CCNF: variants seen among roughly 807,000 people sequenced by gnomAD.
CCNF encodes cyclin-F.
A neutral mutation model predicts 85.4 loss-of-function variants in CCNF; 30 were observed. The observed-to-expected ratio is 0.35, with a 90% CI of 0.26 to 0.48. The LOEUF is 0.48. CCNF is among the 20% of genes least tolerant of loss of function. The pLI, the probability that CCNF is intolerant of heterozygous loss-of-function variation, is 0.99. For synonymous variants in CCNF, 439 were observed against 425.1 expected, an observed-to-expected ratio of 1.03 and a Z score of -0.40; for missense variants, 919 against 1,010.4, an observed-to-expected ratio of 0.91 and a Z score of 1.23.
intron 2 of CCNF, among the ~76,000 whole-genome samples, chr16:2,432,550 T>C (rs1002897209): frequency 6.6e-6 from 1 of 152,202 alleles, no homozygotes; most frequent in African/African-American, 2.4e-5. Flanking sequence ...TGTTGTTCTT[T>C]GCCCTGAGTC....
chr16:2,429,692 G>A (rs1207403051), intron 1 of CCNF, among the ~76,000 whole-genome samples, 195 bp downstream of exon 1: 1 of 152,114 alleles, frequency 6.6e-6, no homozygotes, highest in Non-Finnish European at 1.5e-5. Flanking sequence ...AATGCCCGGC[G>A]GGCGCCCGAG....
At chr16:2,435,048 G>A (rs370340261) in intron 3 of CCNF, among the ~76,000 whole-genome samples, 1 of 151,706 alleles carries the variant, frequency 6.6e-6, no homozygotes, top group Non-Finnish European at 1.5e-5. Flanking sequence ...AGATCAGATC[G>A]AGACCATCCT....
At chr16:2,445,664 C>T in intron 10 of CCNF, 42 bp downstream of exon 10, 1 of 1,588,124 alleles carries the variant, frequency 6.3e-7, no homozygotes, top group Non-Finnish European at 8.6e-7. Flanking sequence ...ACGTGCTGGC[C>T]TTTCCCGGGT....
intron 10 of CCNF, 104 bp downstream of exon 10, chr16:2,445,726 G>GGTT: frequency 2.4e-6 from 2 of 835,020 alleles, no homozygotes; most frequent in South Asian, 3.8e-5. Flanking sequence ...TTTGTTTTGT[G>GGTT]TTGTTTTTTT....
chr16:2,430,481 G>C (rs1167703435), intron 1 of CCNF, among the ~76,000 whole-genome samples: 1 of 152,074 alleles, frequency 6.6e-6, no homozygotes, highest in African/African-American at 2.4e-5. Context: ...GATTGCATCT[G>C]TACACAAACC....
rs954361846 is a variant in CCNF, at chr16:2,432,653, T to A, written c.172-308T>A. On this transcript the variant is annotated intron_variant, in intron 2 of 16. Coordinates refer to ENST00000397066, the MANE Select transcript of CCNF (RefSeq NM_001761.3). The stretch of plus-strand genomic sequence containing the variant: ...CCTGCCTGCCCCCTTTTAGAGTGTT[T>A]CCCCTGTCTTTGGGGGTGATACCTT... Among the ~76,000 whole-genome samples the A allele has an allele frequency of 2.6e-5, 4 of 152,290 alleles. No individual in the cohort carries two copies. The East Asian group carries it at 7.7e-4, about 29-fold the overall frequency.
rs1306263142 is a variant in CCNF, at chr16:2,451,360, T to C, written c.1487+1445T>C. ...GACCAGTGGGGCTGGGGGCCATGAG[T>C]GGAGTCATGGCAGTGAGGGGTGAGG... On this transcript the variant is annotated intron_variant, in intron 13 of 16. Coordinates refer to ENST00000397066, the MANE Select transcript of CCNF (RefSeq NM_001761.3). This position sits in a 1 kb window ranked among gnomAD's most constrained non-coding sequence, Gnocchi z 4.3. Among the ~76,000 whole-genome samples the C allele has an allele frequency of 6.6e-6, 1 of 151,660 alleles. No homozygotes were observed. Among genetic ancestry groups the C allele is most frequent in the East Asian group, 1.9e-4 (1 of 5,146 alleles).
chr16:2,453,557 G>A lies in CCNF; in HGVS notation c.1715+20G>A. ...CAAACGGTTAGTTACCCTGCGTTCT[G>A]GCTGCGCCATACAATGCTGGCATCC... On this transcript the variant is annotated intron_variant, in intron 15 of 16. Coordinates refer to ENST00000397066, the MANE Select transcript of CCNF (RefSeq NM_001761.3). This position sits in a 1 kb window ranked among gnomAD's most constrained non-coding sequence, Gnocchi z 5.6. 1 of 1,613,644 alleles carries A rather than the reference G, an allele frequency of 6.2e-7. No homozygotes were observed. The highest frequency in any genetic ancestry group is 1.1e-5 in the South Asian group (1 of 91,084).
Position 2,448,998 on chromosome 16 carries a change from T to G in CCNF, c.1218+20T>G. On this transcript the variant is annotated intron_variant, in intron 11 of 16. Transcript: ENST00000397066. ...ATTCGAGTAAGCAGCGGTTCCATTT[T>G]CCTTATTAATCTTCGTTGTCGCTGT... The G allele has an allele frequency of 6.2e-7, 1 of 1,613,272 alleles. No individual in the cohort carries two copies. The highest frequency in any genetic ancestry group is 8.5e-7 in the Non-Finnish European group (1 of 1,179,506).
At chr16:2,445,724 G>A in intron 10 of CCNF, 102 bp downstream of exon 10, 1 of 782,946 alleles carries the variant, frequency 1.3e-6, no homozygotes, top group Non-Finnish European at 1.7e-6. Context: ...GTTTTGTTTT[G>A]TGTTGTTTTT....
intron 3 of CCNF, among the ~76,000 whole-genome samples, chr16:2,434,941 C>T (rs1160005646): frequency 6.6e-6 from 1 of 152,094 alleles, no homozygotes; most frequent in East Asian, 1.9e-4. Flanking sequence ...ATGGATAATT[C>T]GTATTTGATT....
At chr16:2,446,490 A>G (rs2065363116) in intron 10 of CCNF, among the ~76,000 whole-genome samples, 2 of 152,186 alleles carry the variant, frequency 1.3e-5, no homozygotes, top group African/African-American at 2.4e-5. Context: ...CCTTTAACTA[A>G]TGCTGGATCC....
intron 13 of CCNF, among the ~76,000 whole-genome samples, chr16:2,450,716 G>T (rs1453469155): frequency 6.6e-6 from 1 of 152,162 alleles, no homozygotes; most frequent in Non-Finnish European, 1.5e-5. Context: ...GGCGGCATCT[G>T]GCTGCTTTTG....
chr16:2,435,828 G>A lies in CCNF; in HGVS notation c.301G>A (p.Glu101Lys). 2 of 1,613,696 alleles carry A rather than the reference G, an allele frequency of 1.2e-6. No homozygotes were observed. The highest frequency in any genetic ancestry group is 8.5e-7 in the Non-Finnish European group (1 of 1,179,830). ...FERAAEKGNF[E>K]AAVKLGIAYL... is the part of the protein sequence containing the mutation. Reference sequence around the variant, plus strand: ...CAGGGCTGCTGAAAAGGGGAATTTCGAAGCTGCTGTGAAGCTGGGCATAGC... The same window carrying A: ...CAGGGCTGCTGAAAAGGGGAATTTCAAAGCTGCTGTGAAGCTGGGCATAGC... Residue 101 changes from glutamate to lysine, a missense_variant, in exon 4 of 17, where the codon GAA (glutamate) becomes AAA (lysine). Glu to Lys is a moderately conservative substitution (Grantham distance 56, BLOSUM62 1). Around this residue, in one of 3 missense-constraint regions of CCNF, gnomAD observed 410 missense variants for 478.6 expected, o/e 0.86. Coordinates refer to ENST00000397066, the MANE Select transcript of CCNF (RefSeq NM_001761.3).
In CCNF at chr16:2,453,082, G is replaced by A. The variant is rs2065403699; in HGVS notation, c.1488-128G>A. On this transcript the variant is annotated intron_variant, in intron 13 of 16. Coordinates refer to ENST00000397066, the MANE Select transcript of CCNF (RefSeq NM_001761.3). This position sits in a 1 kb window ranked among gnomAD's most constrained non-coding sequence, Gnocchi z 5.6. ...TGTGGTGACTGAGTTTAACCATTCG[G>A]GGAACTGCCAGGTCAGATTCCAGAG... is the stretch of plus-strand genomic sequence containing the variant. 8 of 762,302 alleles carry A rather than the reference G, an allele frequency of 1.0e-5. No individual in the cohort carries two copies. Among genetic ancestry groups the A allele is most frequent in the Middle Eastern group, 2.6e-4 (1 of 3,838 alleles). 47.2% of individuals were successfully genotyped at this position (762,302 alleles called of 1,614,324 possible). A position where few individuals can be genotyped will look rare whatever the true frequency, so the allele number is the denominator to read the frequency against.
At chr16:2,441,937 T>TTTTATA (rs1491412622) in intron 8 of CCNF, among the ~76,000 whole-genome samples, 1 of 60,162 alleles carries the variant, frequency 1.7e-5, no homozygotes, top group Non-Finnish European at 2.8e-5. Flanking sequence ...TATTAGCAAA[T>TTTTATA]TATATATATA....
rs181441047 is a variant in CCNF at position 2,442,039 on chromosome 16, T to C, written c.778-1610T>C. 1.4e-5 allele frequency among the ~76,000 whole-genome samples: 2 copies of C among 142,756 alleles called. 1 individual carries two copies. The highest frequency in any genetic ancestry group is 5.2e-5 in the African/African-American group (2 of 38,616). The allele number at this position is 142,756 out of a possible 152,430, so 93.7% of individuals were successfully genotyped here. ...TGTTTTGTTTTTGATGGAGTCTTGC[T>C]CTGTTGCCCAGGCTGGAGCGCAGTG... On this transcript the variant is annotated intron_variant, in intron 8 of 16. Transcript: ENST00000397066.
At chr16:2,429,623 A>C in intron 1 of CCNF, 126 bp downstream of exon 1, 3 of 971,580 alleles carry the variant, frequency 3.1e-6, no homozygotes, top group Non-Finnish European at 4.0e-6. Flanking sequence ...CGAGCTCTTT[A>C]ACCCGGGGCG....
chr16:2,443,090 A>T (rs2065340986), intron 8 of CCNF, among the ~76,000 whole-genome samples: 1 of 44,838 alleles, frequency 2.2e-5, no homozygotes, highest in Non-Finnish European at 3.2e-5. Context: ...TATTATATAT[A>T]ATAGATATTT....
Sources: allele counts gnomAD v4.1 joint callset (sites outside exome capture counted in the v4.1 genomes callset), GRCh38; gene constraint gnomAD v4.1.1; regional missense constraint gnomAD v4.1.1; non-coding constraint Gnocchi (gnomAD v3.1); transcripts MANE v1.5; gene names NCBI Gene and HGNC (gene_info 2026-07-23, HGNC 2026-07-21).